AZIN1: variants seen among roughly 807,000 people sequenced by gnomAD.
AZIN1 encodes the protein ornithine decarboxylase antizyme inhibitor.
Under a neutral mutation model 47.4 loss-of-function variants are expected in AZIN1, and 12 were observed. The observed-to-expected ratio is 0.25, with a 90% CI of 0.16 to 0.41. The LOEUF (loss-of-function observed/expected upper bound fraction) is 0.41. AZIN1 is among the 10% of genes least tolerant of loss of function. The pLI is 1.00. For synonymous variants in AZIN1, 155 were observed against 176.3 expected (o/e 0.88, Z 0.96); for missense variants, 410 against 532.4 (o/e 0.77, Z 2.26).
chr8:102,848,268 C>A (rs757624445), intron 2 of AZIN1, among the ~76,000 whole-genome samples: 2 of 148,236 alleles, frequency 1.3e-5, no homozygotes, highest in Non-Finnish European at 3.0e-5. Flanking sequence ...CATTAAGCTA[C>A]CCATGCCTGT....
In AZIN1 at chr8:102,838,729, T is replaced by C. The variant is rs769248037; in HGVS notation, c.449+15A>G. ...GTGCTAAATAATATTTTCAAGTACT[T>C]AATTTTATACTTACTTGGCATTTGG... On this transcript the variant is annotated intron_variant, in intron 5 of 11. Transcript: ENST00000337198. 26 of 1,598,956 alleles carry C rather than the reference T, an allele frequency of 1.6e-5. No individual in the cohort carries two copies. The African/African-American group carries it at 3.4e-4, about 21-fold the overall frequency.
chr8:102,863,091 G>A (rs1360061025), intron 1 of AZIN1, among the ~76,000 whole-genome samples: 3 of 152,244 alleles, frequency 2.0e-5, no homozygotes, highest in African/African-American at 4.8e-5. Flanking sequence ...GAGCGCCGCA[G>A]GGGCGGAGCA....
rs1412277149 is a variant in AZIN1 at position 102,838,825 on chromosome 8, G to A, written c.368C>T (p.Ala123Val). The part of the protein sequence containing the change: ...PCKQVSQIKY[A>V]AKVGVNILTC... ...CAGGATATTCACTCCAACTTTTGCT[G>A]CATACTTTATCTGAGACACTTGCTT... The change falls in exon 5 of 12, where the codon GCA becomes GTA. Residue 123 changes from alanine (A) to valine (V), a missense_variant. Around this residue, in one of 3 missense-constraint regions of AZIN1, gnomAD observed 237 missense variants for 309.4 expected, o/e 0.77. Transcript: ENST00000337198. 6.2e-7 allele frequency: 1 copy of A among 1,613,528 alleles called. No individual in the cohort carries two copies. Among genetic ancestry groups the A allele is most frequent in the Admixed American group, 1.7e-5 (1 of 59,966 alleles).
At chr8:102,846,780 T>C (rs1812593936) in intron 2 of AZIN1, among the ~76,000 whole-genome samples, 1 of 152,136 alleles carries the variant, frequency 6.6e-6, no homozygotes, top group African/African-American at 2.4e-5. Flanking sequence ...CACACTGGTA[T>C]AAAAACATTA....
At chr8:102,835,299 T>C (rs896961664) in intron 6 of AZIN1, 1 of 152,736 alleles carries the variant, frequency 6.5e-6, no homozygotes, top group East Asian at 1.9e-4. Context: ...TCCATAGAAC[T>C]GTACCCGTAA....
At chr8:102,843,006 C>G (rs1812315993) in intron 3 of AZIN1, among the ~76,000 whole-genome samples, 2 of 151,888 alleles carry the variant, frequency 1.3e-5, no homozygotes, top group South Asian at 2.1e-4. Context: ...CACCTGAGGT[C>G]AGGAGTTCAA....
intron 4 of AZIN1, 135 bp downstream of exon 4, chr8:102,839,515 G>C: frequency 3.4e-6 from 2 of 596,688 alleles, no homozygotes; most frequent in Non-Finnish European, 5.3e-6. Context: ...CCAACATGAG[G>C]CTGGAGATTT....
At chr8:102,841,131 C>T (rs369420551) in intron 3 of AZIN1, among the ~76,000 whole-genome samples, 2 of 152,050 alleles carry the variant, frequency 1.3e-5, no homozygotes, top group South Asian at 4.1e-4. Context: ...ATTAAGCAGG[C>T]TTGGGCAAAC....
chr8:102,843,149 T>C (rs991625215), intron 3 of AZIN1, among the ~76,000 whole-genome samples: 2 of 143,728 alleles, frequency 1.4e-5, no homozygotes, highest in Admixed American at 1.5e-4. Context: ...GGGTTGCACG[T>C]GAGCCAAGAT....
chr8:102,838,712 T>A (rs377694303), intron 5 of AZIN1, 32 bp downstream of exon 5: 601 of 1,573,612 alleles, frequency 3.8e-4, no homozygotes, highest in Non-Finnish European at 4.9e-4. Flanking sequence ...AAGTGCTAAA[T>A]AATATTTTCA....
At chr8:102,840,374 C>T (rs1346511205) in intron 3 of AZIN1, among the ~76,000 whole-genome samples, 1 of 152,132 alleles carries the variant, frequency 6.6e-6, no homozygotes, top group African/African-American at 2.4e-5. Flanking sequence ...TGAGGTCTTG[C>T]TCTGTAGCAA....
At chr8:102,832,888 G>A (rs1223056109) in intron 9 of AZIN1, among the ~76,000 whole-genome samples, 168 bp downstream of exon 9, 1 of 151,962 alleles carries the variant, frequency 6.6e-6, no homozygotes, top group African/African-American at 2.4e-5. Context: ...GATCCACCTG[G>A]CTCTGCCTCC....
Position 102,843,758 on chromosome 8 carries a change from A to G in AZIN1, c.-95-11T>C, listed in dbSNP as rs777089642. On this transcript the variant is annotated splice_polypyrimidine_tract_variant and intron_variant, in intron 2 of 11. Coordinates refer to ENST00000337198, the MANE Select transcript of AZIN1 (RefSeq NM_148174.4). ...AGAATATGCAACAAACTGTCAAAAT[A>G]TAAGTTATATAAAAGTCTGTATTAT... The G allele has an allele frequency of 5.2e-5, 78 of 1,490,074 alleles. No individual in the cohort carries two copies. The highest frequency in any genetic ancestry group is 3.2e-4 in the Admixed American group (13 of 40,762). The allele number at this position is 1,490,074 out of a possible 1,614,324, so 92.3% of individuals were successfully genotyped here.
chr8:102,830,414 A>AAG (rs1563528073), intron 9 of AZIN1, among the ~76,000 whole-genome samples: 1 of 151,652 alleles, frequency 6.6e-6, no homozygotes, highest in African/African-American at 2.4e-5. Context: ...AAAAAAAAAA[A>AAG]AAAAAAGAAA....
intron 1 of AZIN1, among the ~76,000 whole-genome samples, chr8:102,860,278 T>A (rs1445500537): frequency 6.6e-6 from 1 of 152,244 alleles, no homozygotes; most frequent in East Asian, 1.9e-4. Flanking sequence ...ATTTTATTTT[T>A]TTGAGACGGA....
At position 102,836,405 on chromosome 8, in the gene AZIN1, G is replaced by A; in HGVS notation, c.450-15C>T. The stretch of plus-strand genomic sequence containing the variant: ...GTAGTAAGACCCTAAGAGAAGGGGA[G>A]ATGATTGGGGCAGAGTTGGTTTACA... On this transcript the variant is annotated splice_polypyrimidine_tract_variant and intron_variant, in intron 5 of 11. Coordinates refer to ENST00000337198, the MANE Select transcript of AZIN1 (RefSeq NM_148174.4). 6.2e-7 allele frequency: 1 copy of A among 1,612,928 alleles called. No individual in the cohort carries two copies. Among genetic ancestry groups the A allele is most frequent in the Non-Finnish European group, 8.5e-7 (1 of 1,179,286 alleles).
At chr8:102,861,512 GCGCC>G (rs1813650207) in intron 1 of AZIN1, among the ~76,000 whole-genome samples, 1 of 151,552 alleles carries the variant, frequency 6.6e-6, no homozygotes, top group African/African-American at 2.4e-5. Context: ...TTGAGCCACC[GCGCC>G]CGGCCTAATA....
At position 102,828,668 on chromosome 8, in the gene AZIN1, G is replaced by C. The variant is rs1312741059; in HGVS notation, c.1246C>G (p.Gln416Glu). 6.2e-7 allele frequency: 1 copy of C among 1,603,132 alleles called. No individual in the cohort carries two copies. The highest frequency in any genetic ancestry group is 8.5e-7 in the Non-Finnish European group (1 of 1,172,018). ...MMSFSDWYEMQDAGITSDSMM... is the reference protein window; with the variant it reads ...MMSFSDWYEMEDAGITSDSMM... ...GAGTCTGAAGTAATTCCAGCATCTT[G>C]CATCTCATACCTACGTAGAAAAAAA... is the stretch of plus-strand genomic sequence containing the variant. The change falls in exon 12 of 12, where the codon CAA becomes GAA. Residue 416 changes from glutamine (Q) to glutamate (E), a missense_variant. Physicochemically the swap from Gln to Glu is conservative, Grantham distance 29 (BLOSUM62 2). Around this residue, in one of 3 missense-constraint regions of AZIN1, gnomAD observed 168 missense variants for 198.3 expected, o/e 0.85. Transcript: ENST00000337198.
At chr8:102,828,988 T>C (rs6999267) in intron 11 of AZIN1, among the ~76,000 whole-genome samples, 15,979 of 152,276 alleles carry the variant, frequency 0.1, 1,162 homozygotes, top group Admixed American at 0.22. Flanking sequence ...CAAACGCCAC[T>C]GCATTACAAC....
Sources: allele counts gnomAD v4.1 joint callset (sites outside exome capture counted in the v4.1 genomes callset), GRCh38; gene constraint gnomAD v4.1.1; regional missense constraint gnomAD v4.1.1; transcripts MANE v1.5; gene names NCBI Gene and HGNC (gene_info 2026-07-23, HGNC 2026-07-21).